The following SNTG1 variants were observed in gnomAD, a reference collection of about 807,000 sequenced individuals.
SNTG1 encodes gamma-1-syntrophin.
A neutral mutation model predicts 74.7 loss-of-function variants in SNTG1; 39 were observed. That is an observed-to-expected ratio of 0.52 (90% confidence interval 0.40 to 0.68). The LOEUF is 0.68. SNTG1 is among the 30% of genes least tolerant of loss of function. The pLI is 0.00. For synonymous variants in SNTG1, 254 were observed against 217.1 expected, an observed-to-expected ratio of 1.17 and a Z score of -1.49; for missense variants, 685 against 609.5, an observed-to-expected ratio of 1.12 and a Z score of -1.30.
chr8:50,502,638 TCCCTCTATCTTTTATAA>T, intron 8 of SNTG1, 123 bp from the exon 9 acceptor site: 1 of 633,292 alleles, frequency 1.6e-6, no homozygotes, highest in Non-Finnish European at 2.8e-6. Context: ...AATAATTAGC[TCCCTCTATCTTTTATAA>T]AATGTTTCTG....
chr8:49,987,320 T>A (rs1813257377), intron 1 of SNTG1, among the ~76,000 whole-genome samples: 1 of 152,146 alleles, frequency 6.6e-6, no homozygotes, highest in Non-Finnish European at 1.5e-5. Flanking sequence ...AATGGCAATG[T>A]GAAACAACCA....
intron 1 of SNTG1, among the ~76,000 whole-genome samples, chr8:50,134,072 G>A (rs2081395757): frequency 6.6e-6 from 1 of 152,128 alleles, no homozygotes; most frequent in Non-Finnish European, 1.5e-5. Flanking sequence ...ATTGGGGCAG[G>A]GGCTGCCAAG....
At chr8:49,987,160 G>GA (rs1008356859) in intron 1 of SNTG1, among the ~76,000 whole-genome samples, 10 of 152,196 alleles carry the variant, frequency 6.6e-5, no homozygotes, top group African/African-American at 2.4e-4. Flanking sequence ...TGGACCCCAG[G>GA]AGGGGGGAGT....
rs552931141 is a variant in SNTG1 at position 50,279,673 on chromosome 8, G to A, written c.-28+107038G>A. Among the ~76,000 whole-genome samples the A allele has an allele frequency of 1.1e-3, 164 of 152,244 alleles. 2 individuals are homozygous for A. Among genetic ancestry groups the A allele is most frequent in the African/African-American group, 3.6e-3 (151 of 41,562 alleles). ...GAAAATCAAACAAGTTTATTAAAAT[G>A]TGTATATCATGCATACAAGAGAGAT... On this transcript the variant is annotated intron_variant, in intron 2 of 18. Coordinates refer to ENST00000642720, the MANE Select transcript of SNTG1 (RefSeq NM_018967.5).
chr8:50,579,194 G>A (rs1257701171), intron 12 of SNTG1, among the ~76,000 whole-genome samples: 1 of 152,150 alleles, frequency 6.6e-6, no homozygotes, highest in African/African-American at 2.4e-5. Context: ...TTGGGAACTG[G>A]AGTAAAGGTC....
At chr8:50,734,900 T>G (rs1046699528) in intron 17 of SNTG1, among the ~76,000 whole-genome samples, 1 of 140,376 alleles carries the variant, frequency 7.1e-6, no homozygotes, top group Admixed American at 7.3e-5. Flanking sequence ...TATATGGACA[T>G]ATATATATCT....
At chr8:49,974,150 G>T (rs1811971054) in intron 1 of SNTG1, among the ~76,000 whole-genome samples, 1 of 152,082 alleles carries the variant, frequency 6.6e-6, no homozygotes, top group Admixed American at 6.6e-5. Flanking sequence ...TTTCCTATCT[G>T]GAAGCACATG....
intron 9 of SNTG1, among the ~76,000 whole-genome samples, chr8:50,503,904 A>G (rs2093984704): frequency 6.6e-6 from 1 of 152,078 alleles, no homozygotes; most frequent in Non-Finnish European, 1.5e-5. Flanking sequence ...ACATAGGTAA[A>G]CTTTTGTCAT....
chr8:50,705,327 T>A (rs935750966), intron 16 of SNTG1, among the ~76,000 whole-genome samples: 2 of 152,184 alleles, frequency 1.3e-5, no homozygotes, highest in Non-Finnish European at 2.9e-5. Flanking sequence ...CTTTTCTGGT[T>A]TTTTTACAGA....
At chr8:50,372,932 G>A (rs1313029607) in intron 2 of SNTG1, among the ~76,000 whole-genome samples, 1 of 152,026 alleles carries the variant, frequency 6.6e-6, no homozygotes, top group Non-Finnish European at 1.5e-5. Context: ...CAAAACACCT[G>A]CTTTAGAAGT....
intron 5 of SNTG1, among the ~76,000 whole-genome samples, chr8:50,447,768 AAAT>A (rs2093419960): frequency 6.6e-6 from 1 of 152,218 alleles, no homozygotes; most frequent in South Asian, 2.1e-4. Context: ...AGAAATGAAA[AAAT>A]AACATGTTAG....
chr8:50,276,791 C>A (rs575759507), intron 2 of SNTG1, among the ~76,000 whole-genome samples: 2 of 152,150 alleles, frequency 1.3e-5, no homozygotes, highest in African/African-American at 4.8e-5. Flanking sequence ...GAGACCTCAC[C>A]TGTATAAAAA....
intron 1 of SNTG1, among the ~76,000 whole-genome samples, chr8:50,162,329 G>A (rs982744375): frequency 3.3e-5 from 5 of 152,002 alleles, no homozygotes; most frequent in East Asian, 1.9e-4. Flanking sequence ...TTGGGAGGTC[G>A]AGGCGGGCGT....
At chr8:50,099,271 G>T (rs751789707) in intron 1 of SNTG1, among the ~76,000 whole-genome samples, 9 of 152,054 alleles carry the variant, frequency 5.9e-5, no homozygotes, top group Non-Finnish European at 1.2e-4. Flanking sequence ...TTTTTAAACA[G>T]AACCCAGATA....
At chr8:50,691,815 G>A (rs1000562826) in intron 15 of SNTG1, among the ~76,000 whole-genome samples, 7 of 152,158 alleles carry the variant, frequency 4.6e-5, no homozygotes, top group Non-Finnish European at 1.0e-4. Flanking sequence ...GATTGGGGAA[G>A]TTCTCCTGGA....
At chr8:50,652,654 G>A (rs1415096814) in intron 13 of SNTG1, among the ~76,000 whole-genome samples, 1 of 151,980 alleles carries the variant, frequency 6.6e-6, no homozygotes, top group Non-Finnish European at 1.5e-5. Context: ...AAAATTAGCC[G>A]GGGTTGGTGG....
At chr8:50,625,162 C>T (rs572129380) in intron 13 of SNTG1, among the ~76,000 whole-genome samples, 1 of 152,232 alleles carries the variant, frequency 6.6e-6, no homozygotes, top group African/African-American at 2.4e-5. Context: ...GTTCAATGAC[C>T]TCAACTTACA....
intron 1 of SNTG1, among the ~76,000 whole-genome samples, chr8:50,081,262 T>A (rs1211508623): frequency 3.8e-5 from 4 of 104,492 alleles, no homozygotes; most frequent in Non-Finnish European, 5.7e-5. Flanking sequence ...TCTGCCATAA[T>A]TTTTTTGTCT....
chr8:50,083,724 A>T (rs1822617408), intron 1 of SNTG1, among the ~76,000 whole-genome samples: 1 of 152,208 alleles, frequency 6.6e-6, no homozygotes, highest in Non-Finnish European at 1.5e-5. Context: ...GCTAACACAG[A>T]TATGTATCTG....
Sources: allele counts gnomAD v4.1 joint callset (sites outside exome capture counted in the v4.1 genomes callset), GRCh38; gene constraint gnomAD v4.1.1; transcripts MANE v1.5; gene names NCBI Gene and HGNC (gene_info 2026-07-23, HGNC 2026-07-21).